ITGA8: variants seen among roughly 807,000 people sequenced by gnomAD.
The protein encoded by ITGA8 is integrin subunit alpha 8, also known as integrin alpha-8.
ITGA8 carries 91 observed loss-of-function variants against 142.3 expected under a neutral mutation model. The observed-to-expected ratio is 0.64, with a 90% CI of 0.54 to 0.76. The LOEUF (loss-of-function observed/expected upper bound fraction) is 0.76. Among genes scored for constraint, ITGA8 ranks in the 30% least tolerant of loss-of-function variants. The probability of loss-of-function intolerance (pLI) is 0.00; values close to 1 mark genes in which losing one functional copy is unlikely to be tolerated. For missense variants in ITGA8, 1,406 were observed against 1,327.7 expected, an observed-to-expected ratio of 1.06 and a Z score of -0.92; for synonymous variants, 505 against 485.2, an observed-to-expected ratio of 1.04 and a Z score of -0.54.
chr10:15,529,032 C>T (rs906055658), intron 28 of ITGA8, among the ~76,000 whole-genome samples: 1 of 149,226 alleles, frequency 6.7e-6, no homozygotes, highest in African/African-American at 2.5e-5. Context: ...TGTCTCCCTC[C>T]CTTCCTTTCT....
chr10:15,712,656 G>T (rs1397130450), intron 2 of ITGA8, among the ~76,000 whole-genome samples: 1 of 152,056 alleles, frequency 6.6e-6, no homozygotes, highest in African/African-American at 2.4e-5. Flanking sequence ...TACTGTCATG[G>T]TATCCATCAG....
intron 13 of ITGA8, among the ~76,000 whole-genome samples, chr10:15,634,752 G>A (rs1833741863): frequency 6.6e-6 from 1 of 152,162 alleles, no homozygotes; most frequent in Admixed American, 6.5e-5. Context: ...ATCCCAGATT[G>A]AATCATGGGA....
intron 12 of ITGA8, among the ~76,000 whole-genome samples, chr10:15,645,080 C>T (rs1370542125): frequency 2.0e-5 from 2 of 100,866 alleles, no homozygotes; most frequent in African/African-American, 8.1e-5. Flanking sequence ...GCCTGGGTGA[C>T]AGACTCTGTC....
chr10:15,575,396 A>G (rs181871007), intron 24 of ITGA8, 93 bp downstream of exon 24: 3 of 910,582 alleles, frequency 3.3e-6, no homozygotes, highest in Admixed American at 3.6e-5. Context: ...TCTCAATAAT[A>G]ATAATGATAA....
chr10:15,628,199 A>G (rs1440801859), intron 13 of ITGA8, among the ~76,000 whole-genome samples: 1 of 151,980 alleles, frequency 6.6e-6, no homozygotes, highest in Non-Finnish European at 1.5e-5. Context: ...TCAAGAAGTT[A>G]ACAGTAAGTA....
chr10:15,642,147 A>C (rs973293310), intron 13 of ITGA8, among the ~76,000 whole-genome samples: 8 of 152,286 alleles, frequency 5.3e-5, no homozygotes, highest in Middle Eastern at 3.4e-3. Context: ...AGGAAAAGAA[A>C]AAAAGAGGTA....
chr10:15,644,471 TATATATATATATATATATATAG>T lies in ITGA8; in HGVS notation c.1208-272_1208-251del, dbSNP rs1274786426. 4.4e-3 allele frequency among the ~76,000 whole-genome samples: 103 copies of T among 23,352 alleles called. 3 individuals carry two copies. Among genetic ancestry groups the T allele is most frequent in the Admixed American group, 9.5e-3 (11 of 1,164 alleles). 15.3% of individuals were successfully genotyped at this position (23,352 alleles called of 152,430 possible). A position where few individuals can be genotyped will look rare whatever the true frequency, so the allele number is the denominator to read the frequency against. ...ATATATATATATATATATATATATA[TATATATATATATATATATATAG>T]AATTTTTTTTTTTTTTTGAGCAATG... On this transcript the variant is annotated intron_variant, in intron 12 of 29. Coordinates refer to ENST00000378076, the MANE Select transcript of ITGA8 (RefSeq NM_003638.3).
At chr10:15,691,898 A>G (rs188790231) in intron 2 of ITGA8, among the ~76,000 whole-genome samples, 8 of 152,296 alleles carry the variant, frequency 5.3e-5, no homozygotes, top group African/African-American at 1.4e-4. Context: ...TTATTTCCCA[A>G]TGTATAAATA....
At chr10:15,711,402 A>G (rs199944231) in intron 2 of ITGA8, among the ~76,000 whole-genome samples, 2 of 152,298 alleles carry the variant, frequency 1.3e-5, no homozygotes, top group East Asian at 3.9e-4. Flanking sequence ...GCTCAGAGCA[A>G]CAGCCACAAA....
rs1833281062 is a variant in ITGA8, at chr10:15,531,088, T to C, written c.2944A>G (p.Thr982Ala). ...VSFEVKKMPY[T>A]DQPAKLPEGS... Reference sequence around the variant, plus strand: ...TCTGGGAGTTTTGCTGGCTGATCTGTATAAGGCATCTTCTTAACTTCAAAG... The same window carrying C: ...TCTGGGAGTTTTGCTGGCTGATCTGCATAAGGCATCTTCTTAACTTCAAAG... The change falls in exon 28 of 30, where the codon ACA becomes GCA. Residue 982 changes from threonine (T) to alanine (A), a missense_variant. Coordinates refer to ENST00000378076, the MANE Select transcript of ITGA8 (RefSeq NM_003638.3). The C allele has an allele frequency of 3.1e-6, 5 of 1,587,412 alleles. No individual in the cohort carries two copies. Among genetic ancestry groups the C allele is most frequent in the Non-Finnish European group, 4.3e-6 (5 of 1,169,684 alleles).
intron 2 of ITGA8, among the ~76,000 whole-genome samples, chr10:15,709,285 T>C (rs921290862): frequency 6.6e-6 from 1 of 152,186 alleles, no homozygotes; most frequent in Middle Eastern, 3.2e-3. Flanking sequence ...CCCCGAAACT[T>C]CTCACTTTTC....
At chr10:15,697,329 G>A (rs1744431746) in intron 2 of ITGA8, among the ~76,000 whole-genome samples, 2 of 152,156 alleles carry the variant, frequency 1.3e-5, no homozygotes, top group South Asian at 2.1e-4. Context: ...TCACCAGGAA[G>A]AATCAATAAT....
chr10:15,705,014 T>TG, intron 2 of ITGA8, among the ~76,000 whole-genome samples: 1 of 147,310 alleles, frequency 6.8e-6, no homozygotes, highest in East Asian at 2.0e-4. Flanking sequence ...GTTGTTTGTT[T>TG]TTTTAAAGTC....
chr10:15,691,395 T>A (rs753111548), intron 2 of ITGA8, among the ~76,000 whole-genome samples: 1 of 152,204 alleles, frequency 6.6e-6, no homozygotes, highest in Non-Finnish European at 1.5e-5. Context: ...TGCACCCCCA[T>A]GTTCATGGCA....
intron 2 of ITGA8, among the ~76,000 whole-genome samples, chr10:15,697,887 T>C (rs1055656873): frequency 7.2e-5 from 11 of 151,976 alleles, no homozygotes; most frequent in Non-Finnish European, 1.3e-4. Context: ...TAAAGAAAAA[T>C]GGTATTATAT....
intron 25 of ITGA8, 102 bp from the exon 26 acceptor site, chr10:15,558,304 A>G (rs1471757627): frequency 7.5e-7 from 1 of 1,328,854 alleles, no homozygotes; most frequent in African/African-American, 1.5e-5. Context: ...TCAGTGGAAT[A>G]TGATTCACAT....
rs1835502553 is a variant in ITGA8, at chr10:15,718,836, T to C, written c.273A>G (p.Gly91=). The change falls in exon 2 of 30, where the codon GGA becomes GGG. Residue 91 remains glycine, a synonymous_variant. Transcript: ENST00000378076. ...CGGGCCAAGGACAGTAATAGACGGC[T>C]CCCCCTTCCACGATATCGGGCTGGC... ...NTSQPDIVEG[G]AVYYCPWPAE... 1 of 1,613,810 alleles carries C rather than the reference T, an allele frequency of 6.2e-7. No individual in the cohort carries two copies.
intron 27 of ITGA8, among the ~76,000 whole-genome samples, chr10:15,545,917 A>G (rs367774346): frequency 6.6e-6 from 1 of 152,340 alleles, no homozygotes; most frequent in East Asian, 1.9e-4. Context: ...CACTTAGGCT[A>G]AAATCAGGCT....
intron 4 of ITGA8, among the ~76,000 whole-genome samples, chr10:15,681,090 C>G (rs1324841934): frequency 6.6e-6 from 1 of 152,106 alleles, no homozygotes. Context: ...TATGAATGAC[C>G]ATGAGAGCCA....
Sources: gnomAD v4.1 joint callset for allele counts (sites outside exome capture counted in the v4.1 genomes callset) on GRCh38, gnomAD v4.1.1 for gene constraint, MANE v1.5 for transcripts, NCBI Gene and HGNC (gene_info 2026-07-23, HGNC 2026-07-21) for gene names.